ANGPTL6: variants seen among roughly 807,000 people sequenced by gnomAD.
ANGPTL6 encodes the protein angiopoietin like 6, also known as angiopoietin-related protein 6.
Under a neutral mutation model 47.4 loss-of-function variants are expected in ANGPTL6, and 45 were observed. The ratio of observed to expected loss-of-function variants is 0.95; its 90% CI spans 0.75 to 1.22. The LOEUF (loss-of-function observed/expected upper bound fraction) is 1.22, where lower values mean the gene tolerates loss of function less well. ANGPTL6 is among the 50% of genes most tolerant of loss of function. ANGPTL6 has a pLI of 0.00. For synonymous variants in ANGPTL6, 290 were observed against 295.9 expected (o/e 0.98, Z 0.20); for missense variants, 698 against 669.4 (o/e 1.04, Z -0.47).
At chr19:10,104,024 C>T (rs1280748912), upstream of ANGPTL6, among the ~76,000 whole-genome samples, 9 of 127,238 alleles carry the variant, frequency 7.1e-5, no homozygotes, top group South Asian at 7.8e-4. Flanking sequence ...ACCCGGGGGG[C>T]GGAGGTTGCA....
intron 1 of ANGPTL6, among the ~76,000 whole-genome samples, chr19:10,101,435 G>C (rs911907058): frequency 1.3e-5 from 2 of 152,032 alleles, no homozygotes; most frequent in African/African-American, 4.8e-5. Context: ...ACAAAGACCT[G>C]ATGGAAGAGA....
At position 10,094,958 on chromosome 19, in the gene ANGPTL6, C is replaced by A; in HGVS notation, c.583-20G>T. ...CAGGACCTGGGGTGACGGAGAAAGT[C>A]AGGTGTAATTGCACTAACCCTCAGG... On this transcript the variant is annotated intron_variant, in intron 2 of 5. Transcript: ENST00000253109. 6.3e-7 allele frequency: 1 copy of A among 1,588,764 alleles called. No individual in the cohort carries two copies. The highest frequency in any genetic ancestry group is 1.1e-5 in the South Asian group (1 of 89,362).
At chr19:10,098,257 C>T (rs751918140) in intron 1 of ANGPTL6, among the ~76,000 whole-genome samples, 4 of 151,950 alleles carry the variant, frequency 2.6e-5, no homozygotes, top group African/African-American at 9.7e-5. Context: ...GAGGCAGAGG[C>T]GGGAGGATCG....
chr19:10,101,050 A>G (rs1191845028), intron 1 of ANGPTL6, among the ~76,000 whole-genome samples: 2 of 151,118 alleles, frequency 1.3e-5, no homozygotes, highest in African/African-American at 4.9e-5. Flanking sequence ...CTCTACTGAA[A>G]ATACAAAAAT....
chr19:10,092,812 C>T (rs375476177), intron 5 of ANGPTL6, 33 bp from the exon 6 acceptor site: 317 of 1,539,972 alleles, frequency 2.1e-4, no homozygotes, highest in Non-Finnish European at 2.6e-4. Flanking sequence ...TGTCCTCTCA[C>T]CAGAATAAAA....
upstream of ANGPTL6, chr19:10,106,091 C>T (rs774737916): frequency 1.9e-6 from 1 of 534,216 alleles, no homozygotes; most frequent in Non-Finnish European, 3.3e-6. Context: ...ATTTTAGGAG[C>T]CTCGGAATGC....
chr19:10,094,703 C>T (rs2088485701), intron 3 of ANGPTL6, 55 bp downstream of exon 3: 1 of 1,607,882 alleles, frequency 6.2e-7, no homozygotes. Context: ...CCACTAAAAT[C>T]CTGACTCCTC....
At chr19:10,093,975 T>C in intron 3 of ANGPTL6, 95 bp from the exon 4 acceptor site, 1 of 1,340,940 alleles carries the variant, frequency 7.5e-7, no homozygotes, top group Non-Finnish European at 1.0e-6. Flanking sequence ...CTCACCAGAA[T>C]AAGAGTTCTG....
intron 3 of ANGPTL6, chr19:10,094,501 CCTGAATATGATACT>C (rs2088481136): frequency 1.9e-6 from 1 of 527,196 alleles, no homozygotes; most frequent in Non-Finnish European, 3.3e-6. Context: ...TAATATAAGT[CCTGAATATGATACT>C]CTGAACCAGT....
At chr19:10,104,735 G>A (rs1405313017), upstream of ANGPTL6, among the ~76,000 whole-genome samples, 3 of 152,130 alleles carry the variant, frequency 2.0e-5, no homozygotes, top group South Asian at 2.1e-4. Context: ...TTCCAAATAT[G>A]GTCACACACA....
chr19:10,104,263 T>C (rs1231575739), upstream of ANGPTL6, among the ~76,000 whole-genome samples: 3 of 151,376 alleles, frequency 2.0e-5, no homozygotes, highest in Non-Finnish European at 4.4e-5. Context: ...AGTATTCATA[T>C]GTACAGTGAT....
chr19:10,105,511 G>C (rs3760755), upstream of ANGPTL6, among the ~76,000 whole-genome samples: 1 of 151,692 alleles, frequency 6.6e-6, no homozygotes, highest in African/African-American at 2.4e-5. Context: ...CAGACACAGA[G>C]AAAGGAAACT....
chr19:10,093,212 C>T, intron 5 of ANGPTL6, 137 bp downstream of exon 5: 2 of 1,224,878 alleles, frequency 1.6e-6, no homozygotes, highest in Non-Finnish European at 2.3e-6. Context: ...GACCTTTGTT[C>T]TCTTGACGGA....
chr19:10,099,828 CCTCTCT>C (rs531456080), intron 1 of ANGPTL6, among the ~76,000 whole-genome samples: 2 of 137,892 alleles, frequency 1.5e-5, no homozygotes, highest in East Asian at 2.5e-4. Context: ...TCTGTCTCTC[CCTCTCT>C]CTCTCTCTCT....
chr19:10,101,471 G>A lies in ANGPTL6; in HGVS notation c.-11+1097C>T, dbSNP rs1350458696. Among the ~76,000 whole-genome samples, 3 of 152,120 alleles carry A rather than the reference G, an allele frequency of 2.0e-5. No homozygotes were observed. In the East Asian group the frequency reaches 5.8e-4, roughly 29 times the overall value. On this transcript the variant is annotated intron_variant, in intron 1 of 5. Coordinates refer to ENST00000253109, the MANE Select transcript of ANGPTL6 (RefSeq NM_031917.3). Reference sequence around the variant, plus strand: ...GAGAAGAGGAAGAGCATTCCAGGCAGAGAGAACAGCAGGTGCAAAGGCCCG... The same window carrying A: ...GAGAAGAGGAAGAGCATTCCAGGCAAAGAGAACAGCAGGTGCAAAGGCCCG...
Position 10,097,491 on chromosome 19 carries a change from G to T in ANGPTL6, c.-10-918C>A, listed in dbSNP as rs1047085438. ...AACAGACAAAAATCCCTCCCCTAGT[G>T]GGCAAAAAAATAAATATGTACTGTA... is the stretch of plus-strand genomic sequence containing the variant. On this transcript the variant is annotated intron_variant, in intron 1 of 5. Coordinates refer to ENST00000253109, the MANE Select transcript of ANGPTL6 (RefSeq NM_031917.3). Among the ~76,000 whole-genome samples the T allele has an allele frequency of 3.3e-5, 5 of 152,102 alleles. No individual in the cohort carries two copies. The East Asian group carries it at 9.7e-4, about 29-fold the overall frequency.
rs556407536 is a variant in ANGPTL6, at chr19:10,094,777, C to T, written c.744G>A (p.Ala248=). The change falls in exon 3 of 6, where the codon GCG becomes GCA. Residue 248 remains alanine, a synonymous_variant. Transcript: ENST00000253109. ...MASPMPAGHP[A]VPTKPVGPWQ... is the part of the protein sequence containing the mutation. ...ACTTACCCACAGGCTTGGTGGGGAC[C>T]GCAGGGTGACCTGCAGGCATGGGAG... The T allele has an allele frequency of 1.2e-5, 20 of 1,614,172 alleles. No individual in the cohort carries two copies. In the East Asian group the frequency reaches 1.3e-4, roughly 11 times the overall value.
At chr19:10,103,124 G>A (rs867186810), upstream of ANGPTL6, among the ~76,000 whole-genome samples, 10 of 151,912 alleles carry the variant, frequency 6.6e-5, no homozygotes, top group Middle Eastern at 3.4e-3. Flanking sequence ...GCTCAGAGAG[G>A]GTAAGCAACT....
At position 10,092,452 on chromosome 19, in the gene ANGPTL6, C is replaced by A. The variant is rs1405512892; in HGVS notation, c.*137G>T. ...GGGGATTCCTGGGTCCCATTTTCAG[C>A]GCCCAGGGTCACAGATCCACAGTGG... On this transcript the variant is annotated 3_prime_UTR_variant, in exon 6 of 6. Transcript: ENST00000253109. 6.6e-7 allele frequency: 1 copy of A among 1,511,688 alleles called. No individual in the cohort carries two copies. The highest frequency in any genetic ancestry group is 8.9e-7 in the Non-Finnish European group (1 of 1,123,084). The allele number at this position is 1,511,688 out of a possible 1,614,324, so 93.6% of individuals were successfully genotyped here. A position where few individuals can be genotyped will look rare whatever the true frequency, so the allele number is the denominator to read the frequency against.
Sources: gnomAD v4.1 joint callset for allele counts (sites outside exome capture counted in the v4.1 genomes callset) on GRCh38, gnomAD v4.1.1 for gene constraint, MANE v1.5 for transcripts, NCBI Gene and HGNC (gene_info 2026-07-23, HGNC 2026-07-21) for gene names.